The following CALN1 variants were observed in gnomAD, a reference collection of about 807,000 sequenced individuals.
The protein encoded by CALN1 is calneuron 1, also known as calcium-binding protein 8.
In CALN1, 17 loss-of-function variants were observed where a neutral mutation model predicts 30.6. The ratio of observed to expected loss-of-function variants is 0.56; its 90% CI spans 0.38 to 0.83. CALN1 has a LOEUF of 0.83. Among genes scored for constraint, CALN1 ranks in the 40% least tolerant of loss-of-function variants. The pLI, the probability that CALN1 is intolerant of heterozygous loss-of-function variation, is 0.00. For synonymous variants in CALN1, 156 were observed against 131.4 expected, an observed-to-expected ratio of 1.19 and a Z score of -1.28; for missense variants, 291 against 354.9, an observed-to-expected ratio of 0.82 and a Z score of 1.45.
intron 3 of CALN1, among the ~76,000 whole-genome samples, chr7:72,167,340 G>C (rs1337449647): frequency 6.7e-6 from 1 of 150,222 alleles, no homozygotes; most frequent in Non-Finnish European, 1.5e-5. Context: ...CTTTTTTGTT[G>C]TTGGTTTTGT....
intron 3 of CALN1, among the ~76,000 whole-genome samples, chr7:72,203,903 A>G (rs185075861): frequency 1.4e-4 from 21 of 152,080 alleles, no homozygotes; most frequent in African/African-American, 5.1e-4. Context: ...CCCAATTACT[A>G]AAGAAAAACA....
intron 2 of CALN1, among the ~76,000 whole-genome samples, chr7:72,317,048 G>T (rs1489624913): frequency 1.4e-5 from 2 of 141,854 alleles, no homozygotes; most frequent in Non-Finnish European, 3.0e-5. Flanking sequence ...AAGAGAGAGA[G>T]AGAAAGAGAG....
intron 2 of CALN1, among the ~76,000 whole-genome samples, chr7:72,382,870 C>T (rs13308366): frequency 0.061 from 9,278 of 152,208 alleles, 395 homozygotes; most frequent in Non-Finnish European, 0.1. Flanking sequence ...CTCACTGCAA[C>T]CTCCACCTCC....
At chr7:72,139,201 C>T in intron 3 of CALN1, among the ~76,000 whole-genome samples, 1 of 152,218 alleles carries the variant, frequency 6.6e-6, no homozygotes, top group East Asian at 1.9e-4. Context: ...ACATCCATCC[C>T]CTCTTTGATG....
the CALN1 span, among the ~76,000 whole-genome samples, chr7:72,486,256 G>C: frequency 1.2e-4 from 18 of 152,112 alleles, no homozygotes; most frequent in Non-Finnish European, 2.4e-4. Flanking sequence ...TATGTAGTCC[G>C]TCATTGACAG....
intron 4 of CALN1, among the ~76,000 whole-genome samples, chr7:72,092,234 G>A (rs774360783): frequency 1.3e-5 from 2 of 152,004 alleles, no homozygotes; most frequent in African/African-American, 2.4e-5. Flanking sequence ...ATTTCCAAGT[G>A]GGTGGGATTC....
chr7:72,287,603 C>G (rs951612644), intron 2 of CALN1, among the ~76,000 whole-genome samples: 6 of 152,008 alleles, frequency 3.9e-5, no homozygotes, highest in African/African-American at 1.4e-4. Flanking sequence ...CCCGCCACGA[C>G]GCACGGCTAA....
At chr7:72,200,725 G>A (rs1420744091) in intron 3 of CALN1, among the ~76,000 whole-genome samples, 1 of 152,120 alleles carries the variant, frequency 6.6e-6, no homozygotes, top group African/African-American at 2.4e-5. Flanking sequence ...AGCAAACAAT[G>A]ATGATGGCTG....
chr7:72,260,585 A>G (rs1172876023), intron 3 of CALN1, among the ~76,000 whole-genome samples: 1 of 152,170 alleles, frequency 6.6e-6, no homozygotes, highest in Admixed American at 6.5e-5. Context: ...TTTTCCCAGA[A>G]AGAGTGGCAC....
At chr7:72,234,172 G>A (rs1463512824) in intron 3 of CALN1, among the ~76,000 whole-genome samples, 2 of 152,194 alleles carry the variant, frequency 1.3e-5, no homozygotes, top group Non-Finnish European at 2.9e-5. Flanking sequence ...GATAGAGGCA[G>A]TTTGCAGGTA....
At chr7:71,850,901 T>C (rs1790600116) in intron 5 of CALN1, among the ~76,000 whole-genome samples, 1 of 152,116 alleles carries the variant, frequency 6.6e-6, no homozygotes, top group African/African-American at 2.4e-5. Context: ...CAGAATACCA[T>C]TTATGTACAT....
At chr7:72,450,254 A>G (rs1808633745), upstream of CALN1, among the ~76,000 whole-genome samples, 1 of 152,138 alleles carries the variant, frequency 6.6e-6, no homozygotes, top group African/African-American at 2.4e-5. Flanking sequence ...CATCAGTTAC[A>G]TGCAATTTCT....
chr7:72,158,130 T>C (rs940327056), intron 3 of CALN1, among the ~76,000 whole-genome samples: 3 of 152,126 alleles, frequency 2.0e-5, no homozygotes, highest in Non-Finnish European at 4.4e-5. Context: ...GTAAGTACCT[T>C]TGATGTGAGA....
At chr7:72,152,274 C>G (rs1787313137) in intron 3 of CALN1, among the ~76,000 whole-genome samples, 1 of 152,078 alleles carries the variant, frequency 6.6e-6, no homozygotes, top group South Asian at 2.1e-4. Context: ...ATGGGGAGAC[C>G]AGGGTTCTCT....
chr7:72,031,737 T>G (rs909214058), intron 4 of CALN1, among the ~76,000 whole-genome samples: 17,307 of 134,932 alleles, frequency 0.13, 1,565 homozygotes, highest in East Asian at 0.31. Flanking sequence ...CTGGCTAATT[T>G]TTTTTTTTTT....
Position 71,781,905 on chromosome 7 carries a change from C to G in CALN1, c.*5870G>C, listed in dbSNP as rs1792739463. 6.6e-6 allele frequency: 1 copy of G among 152,140 alleles called. No individual in the cohort carries two copies. The highest frequency in any genetic ancestry group is 6.6e-5 in the Admixed American group (1 of 15,262). The allele number at this position is 152,140 out of a possible 1,614,324, so 9.4% of individuals were successfully genotyped here. ...TGGGTGGGACTGGAAAAACCTCATTCTTTGTGATATATTTCCAGTCAACGG... is the reference window on the plus strand; with the variant it reads ...TGGGTGGGACTGGAAAAACCTCATTGTTTGTGATATATTTCCAGTCAACGG... On this transcript the variant is annotated 3_prime_UTR_variant, in exon 7 of 7. Coordinates refer to ENST00000395275, the MANE Select transcript of CALN1 (RefSeq NM_031468.4).
chr7:72,416,734 C>CAAAAAAA (rs4029798), upstream of CALN1, among the ~76,000 whole-genome samples: 9 of 77,690 alleles, frequency 1.2e-4, no homozygotes, highest in Non-Finnish European at 1.6e-4. Flanking sequence ...GACTCTGTCT[C>CAAAAAAA]AAAAAAAAAA....
chr7:72,235,879 T>C (rs530973964), intron 3 of CALN1, among the ~76,000 whole-genome samples: 78 of 151,790 alleles, frequency 5.1e-4, no homozygotes, highest in Non-Finnish European at 1.3e-4. Flanking sequence ...GCAAAGAAAA[T>C]ACCCCAAGCT....
chr7:72,210,491 G>A (rs1792314415), intron 3 of CALN1, among the ~76,000 whole-genome samples: 1 of 152,048 alleles, frequency 6.6e-6, no homozygotes, highest in Non-Finnish European at 1.5e-5. Flanking sequence ...ATTTATAAAG[G>A]AAAGAGGTTT....
Sources: allele counts gnomAD v4.1 joint callset (sites outside exome capture counted in the v4.1 genomes callset), GRCh38; gene constraint gnomAD v4.1.1; transcripts MANE v1.5; gene names NCBI Gene and HGNC (gene_info 2026-07-23, HGNC 2026-07-21).